CACNA2D3: variants seen among roughly 807,000 people sequenced by gnomAD.
CACNA2D3 encodes calcium voltage-gated channel auxiliary subunit alpha2delta 3.
CACNA2D3 carries 60 observed loss-of-function variants against 160.6 expected under a neutral mutation model. The ratio of observed to expected loss-of-function variants is 0.37; its 90% CI spans 0.30 to 0.46. The LOEUF is 0.46. CACNA2D3 is among the 20% of genes least tolerant of loss of function. The pLI is 1.00. For missense variants in CACNA2D3, 1,205 were observed against 1,365.0 expected (o/e 0.88, Z 1.85); for synonymous variants, 558 against 492.9 (o/e 1.13, Z -1.75).
At chr3:54,438,775 A>G (rs1700097464) in intron 4 of CACNA2D3, among the ~76,000 whole-genome samples, 1 of 152,218 alleles carries the variant, frequency 6.6e-6, no homozygotes. Flanking sequence ...TAAGGGAGGC[A>G]CTAATAGATT....
intron 11 of CACNA2D3, among the ~76,000 whole-genome samples, chr3:54,656,990 G>A (rs1021478283): frequency 2.0e-5 from 3 of 151,826 alleles, no homozygotes; most frequent in Non-Finnish European, 2.9e-5. Context: ...GGCTGAGTCC[G>A]AAAAGAGTCA....
At position 55,074,395 on chromosome 3, in the gene CACNA2D3, A is replaced by T. The variant is rs1391329088; in HGVS notation, c.*189A>T. 1.6e-5 allele frequency: 8 copies of T among 494,098 alleles called. No homozygotes were observed. The highest frequency in any genetic ancestry group is 2.6e-5 in the African/African-American group (1 of 38,576). 30.6% of individuals were successfully genotyped at this position (494,098 alleles called of 1,614,324 possible). ...ATATGTTGACAAAAAGTTATCTATC[A>T]TCTTTTTACTTTGCCAGTCATGCAA... is the stretch of plus-strand genomic sequence containing the variant. On this transcript the variant is annotated 3_prime_UTR_variant, in exon 38 of 38. Coordinates refer to ENST00000474759, the MANE Select transcript of CACNA2D3 (RefSeq NM_018398.3).
chr3:54,883,313 C>T (rs1210371780), intron 21 of CACNA2D3, among the ~76,000 whole-genome samples: 2 of 152,272 alleles, frequency 1.3e-5, no homozygotes, highest in East Asian at 3.9e-4. Context: ...TGAGCCACCG[C>T]GCCTGGCCAC....
chr3:54,387,648 T>G (rs1699210579), intron 4 of CACNA2D3, among the ~76,000 whole-genome samples: 1 of 141,318 alleles, frequency 7.1e-6, no homozygotes, highest in Non-Finnish European at 1.5e-5. Flanking sequence ...TGAGAGTCTG[T>G]CTCAAATAAA....
At chr3:54,807,642 T>C (rs1339470607) in intron 13 of CACNA2D3, among the ~76,000 whole-genome samples, 1 of 151,670 alleles carries the variant, frequency 6.6e-6, no homozygotes, top group Non-Finnish European at 1.5e-5. Flanking sequence ...TGGAAGTCAG[T>C]GTGGCGATTC....
intron 4 of CACNA2D3, among the ~76,000 whole-genome samples, chr3:54,437,333 C>G (rs1026379859): frequency 6.6e-6 from 1 of 152,232 alleles, no homozygotes; most frequent in Non-Finnish European, 1.5e-5. Context: ...TAAGCCATTA[C>G]AGGCAATGCA....
chr3:54,567,113 T>C (rs1182377199), intron 6 of CACNA2D3, among the ~76,000 whole-genome samples: 1 of 152,208 alleles, frequency 6.6e-6, no homozygotes, highest in Non-Finnish European at 1.5e-5. Context: ...TATCCTCATA[T>C]TCATGGTGCG....
chr3:54,216,229 C>A (rs1701460402), intron 2 of CACNA2D3, among the ~76,000 whole-genome samples: 1 of 152,120 alleles, frequency 6.6e-6, no homozygotes, highest in South Asian at 2.1e-4. Context: ...TATTTTACAA[C>A]TAAGGAAGCA....
At chr3:54,860,639 G>A (rs1214049944) in intron 17 of CACNA2D3, among the ~76,000 whole-genome samples, 1 of 152,216 alleles carries the variant, frequency 6.6e-6, no homozygotes, top group African/African-American at 2.4e-5. Context: ...GGTTAATGGT[G>A]ACTGTAGGTC....
At position 55,073,614 on chromosome 3, in the gene CACNA2D3, T is replaced by C. The variant is rs79941998; in HGVS notation, c.3100+57T>C. 9.1e-4 allele frequency: 1,283 copies of C among 1,407,110 alleles called. 22 individuals are homozygous for C. The East Asian group carries it at 0.026, about 29-fold the overall frequency. The allele number at this position is 1,407,110 out of a possible 1,614,324, so 87.2% of individuals were successfully genotyped here. On this transcript the variant is annotated intron_variant, in intron 36 of 37. Coordinates refer to ENST00000474759, the MANE Select transcript of CACNA2D3 (RefSeq NM_018398.3). ...CACGGAAACCAGTAAGGGGTATCAG[T>C]GGTAAGGAAACCTGGGGGAGAAATA...
Position 54,719,703 on chromosome 3 carries a change from G to C in CACNA2D3, c.1168-32896G>C, listed in dbSNP as rs537770975. Among the ~76,000 whole-genome samples the C allele has an allele frequency of 2.6e-5, 4 of 152,036 alleles. No individual in the cohort carries two copies. In the South Asian group the frequency reaches 8.3e-4, roughly 32 times the overall value. On this transcript the variant is annotated intron_variant, in intron 11 of 37. Transcript: ENST00000474759. ...TTCTTCTTTTTATACTCTCTGGAAG[G>C]ATTTGTGTAAGATTGTTACTTCTTC...
At chr3:54,316,183 A>G (rs1703856475) in intron 2 of CACNA2D3, among the ~76,000 whole-genome samples, 1 of 152,114 alleles carries the variant, frequency 6.6e-6, no homozygotes, top group Non-Finnish European at 1.5e-5. Context: ...TCTTTGACAC[A>G]GTTTGGGATG....
At chr3:54,410,942 A>G (rs1699657898) in intron 4 of CACNA2D3, among the ~76,000 whole-genome samples, 1 of 152,200 alleles carries the variant, frequency 6.6e-6, no homozygotes, top group African/African-American at 2.4e-5. Flanking sequence ...AAAGGAGGTA[A>G]AACTATCAGC....
chr3:54,548,796 A>G (rs1472971865), intron 5 of CACNA2D3, among the ~76,000 whole-genome samples: 1 of 152,112 alleles, frequency 6.6e-6, no homozygotes, highest in Non-Finnish European at 1.5e-5. Context: ...GCATTCCTTT[A>G]CCCTCCTCAA....
At chr3:54,706,690 A>G (rs1459955036) in intron 11 of CACNA2D3, among the ~76,000 whole-genome samples, 2 of 152,320 alleles carry the variant, frequency 1.3e-5, no homozygotes, top group East Asian at 3.9e-4. Flanking sequence ...CATTGTGAGA[A>G]TCGATGCTCT....
intron 2 of CACNA2D3, among the ~76,000 whole-genome samples, chr3:54,247,038 G>A (rs149801120): frequency 8.6e-4 from 131 of 152,266 alleles, no homozygotes; most frequent in Middle Eastern, 3.4e-3. Context: ...ACTCCGGGGC[G>A]TGGTGGTTCA....
chr3:54,723,926 C>T (rs577308863), intron 11 of CACNA2D3, among the ~76,000 whole-genome samples: 3 of 152,314 alleles, frequency 2.0e-5, no homozygotes, highest in East Asian at 3.9e-4. Flanking sequence ...ACAATATTAA[C>T]CTTAAATGTA....
At chr3:54,227,781 C>T (rs1701701511) in intron 2 of CACNA2D3, among the ~76,000 whole-genome samples, 1 of 152,070 alleles carries the variant, frequency 6.6e-6, no homozygotes, top group Admixed American at 6.5e-5. Flanking sequence ...GATTTCCTGA[C>T]CTCGTGATCC....
At chr3:54,814,100 C>G (rs1440070724) in intron 13 of CACNA2D3, among the ~76,000 whole-genome samples, 1 of 152,064 alleles carries the variant, frequency 6.6e-6, no homozygotes, top group Non-Finnish European at 1.5e-5. Flanking sequence ...AACTCCTGGA[C>G]TCAAGCAATC....
Sources: gnomAD v4.1 joint callset for allele counts (sites outside exome capture counted in the v4.1 genomes callset) on GRCh38, gnomAD v4.1.1 for gene constraint, MANE v1.5 for transcripts, NCBI Gene and HGNC (gene_info 2026-07-23, HGNC 2026-07-21) for gene names.